UPP1: variants seen among roughly 807,000 people sequenced by gnomAD.
UPP1 encodes UPase 1.
Under a neutral mutation model 29.6 loss-of-function variants are expected in UPP1, and 25 were observed. The observed-to-expected ratio is 0.85, with a 90% CI of 0.62 to 1.18. UPP1 has a LOEUF of 1.18. Among genes scored for constraint, UPP1 ranks in the 50% most tolerant of loss-of-function variants. UPP1 has a pLI of 0.00. For missense variants in UPP1, 368 were observed against 410.4 expected (o/e 0.90, Z 0.89); for synonymous variants, 165 against 159.8 (o/e 1.03, Z -0.25).
intron 2 of UPP1, among the ~76,000 whole-genome samples, chr7:48,091,677 A>C (rs1325935127): frequency 1.3e-5 from 2 of 152,196 alleles, no homozygotes; most frequent in Non-Finnish European, 2.9e-5. Flanking sequence ...GGTGTGGTTA[A>C]ATAGACCCTC....
intron 3 of UPP1, 49 bp downstream of exon 3, chr7:48,094,876 T>G (rs758138011): frequency 6.3e-7 from 1 of 1,595,028 alleles, no homozygotes; most frequent in African/African-American, 1.3e-5. Flanking sequence ...TTGGGTTGTT[T>G]ATAGAGCATA....
At chr7:48,097,989 G>T (rs1792212782) in intron 3 of UPP1, among the ~76,000 whole-genome samples, 1 of 152,180 alleles carries the variant, frequency 6.6e-6, no homozygotes, top group African/African-American at 2.4e-5. Context: ...GTCAGGAAGA[G>T]GTGGGCTTAG....
Position 48,101,938 on chromosome 7 carries a change from G to A in UPP1, c.277G>A (p.Asp93Asn), listed in dbSNP as rs1450759512. The A allele has an allele frequency of 6.2e-7, 1 of 1,613,882 alleles. No homozygotes were observed. ...RDYPNICAGT[D>N]RYAMYKVGPV... ...CTATCCCAACATCTGTGCGGGAACTGACCGCTATGCCATGTATAAAGTAGG... is the reference window on the plus strand; with the variant it reads ...CTATCCCAACATCTGTGCGGGAACTAACCGCTATGCCATGTATAAAGTAGG... Residue 93 changes from aspartate to asparagine, a missense_variant, in exon 5 of 9, where the codon GAC (aspartate) becomes AAC (asparagine). Asp to Asn is a conservative substitution (Grantham distance 23). Transcript: ENST00000395564.
Position 48,094,746 on chromosome 7 carries a change from T to C in UPP1, c.-21-17T>C. 6.2e-7 allele frequency: 1 copy of C among 1,613,300 alleles called. No individual in the cohort carries two copies. The highest frequency in any genetic ancestry group is 8.5e-7 in the Non-Finnish European group (1 of 1,179,550). On this transcript the variant is annotated splice_polypyrimidine_tract_variant and intron_variant, in intron 2 of 8. Transcript: ENST00000395564. ...TACTGAGTGGATTCACTCCATTCTG[T>C]GATTTTTTTTCCTTAGGGTCCTGCC...
intron 2 of UPP1, among the ~76,000 whole-genome samples, chr7:48,092,362 C>A (rs1791884586): frequency 6.6e-6 from 1 of 152,118 alleles, no homozygotes. Flanking sequence ...ATGACCAGAC[C>A]CCTACGCCCC....
Position 48,103,360 on chromosome 7 carries a change from G to C in UPP1, c.385G>C (p.Ala129Pro). The C allele has an allele frequency of 6.2e-7, 1 of 1,614,014 alleles. No individual in the cohort carries two copies. The highest frequency in any genetic ancestry group is 8.5e-7 in the Non-Finnish European group (1 of 1,179,916). ...TGAGCTCATAAAGCTGCTGTACTAT[G>C]CCCGGTGCTCCAACGTCACTATCAT... ...LHELIKLLYY[A>P]RCSNVTIIRI... The change falls in exon 6 of 9, where the codon GCC (alanine) becomes CCC (proline). Residue 129 changes from alanine (A) to proline (P), a missense_variant. Physicochemically the swap from Ala to Pro is conservative, Grantham distance 27. Transcript: ENST00000395564.
intron 4 of UPP1, 91 bp downstream of exon 4, chr7:48,099,878 A>G: frequency 2.4e-6 from 2 of 844,718 alleles, no homozygotes; most frequent in East Asian, 2.5e-5. Context: ...AATGCTTGAG[A>G]GACCACAGCT....
At chr7:48,090,731 T>G (rs1352676912) in intron 2 of UPP1, among the ~76,000 whole-genome samples, 1 of 152,254 alleles carries the variant, frequency 6.6e-6, no homozygotes, top group East Asian at 1.9e-4. Flanking sequence ...TTTGCCCATC[T>G]GCATTTTGGC....
intron 6 of UPP1, among the ~76,000 whole-genome samples, chr7:48,104,202 G>A (rs1349591567): frequency 6.6e-6 from 1 of 152,084 alleles, no homozygotes; most frequent in Non-Finnish European, 1.5e-5. Context: ...TGGCAACAGA[G>A]CGAGACTCCA....
chr7:48,094,619 A>G (rs936928435), intron 2 of UPP1, 144 bp from the exon 3 acceptor site: 43 of 684,206 alleles, frequency 6.3e-5, no homozygotes, highest in African/African-American at 1.8e-4. Flanking sequence ...CTCTGTTTCT[A>G]TTTCTCACAC....
At chr7:48,092,704 CTT>C (rs1207379327) in intron 2 of UPP1, among the ~76,000 whole-genome samples, 31 of 135,964 alleles carry the variant, frequency 2.3e-4, no homozygotes, top group Admixed American at 2.2e-4. Context: ...CTGTTTGTTT[CTT>C]TTTTTTTTTT....
At chr7:48,094,957 G>A (rs1792048152) in intron 3 of UPP1, 130 bp downstream of exon 3, 7 of 1,136,506 alleles carry the variant, frequency 6.2e-6, no homozygotes, top group Admixed American at 2.2e-5. Flanking sequence ...AGAGACTGAG[G>A]CCTGGAGGGA....
rs143945959 is a variant in UPP1 at position 48,094,708 on chromosome 7, C to T, written c.-21-55C>T. On this transcript the variant is annotated intron_variant, in intron 2 of 8. Coordinates refer to ENST00000395564, the MANE Select transcript of UPP1 (RefSeq NM_003364.4). ...TTCTACATATTAGTGGGGCTCTGCA[C>T]GATCTTGGTTTCTACTGAGTGGATT... The T allele has an allele frequency of 4.3e-5, 67 of 1,542,592 alleles. No homozygotes were observed. In the African/African-American group the frequency reaches 5.8e-4, roughly 13 times the overall value.
chr7:48,102,715 A>G (rs1052770460), intron 5 of UPP1, among the ~76,000 whole-genome samples: 4 of 152,150 alleles, frequency 2.6e-5, no homozygotes, highest in African/African-American at 9.7e-5. Flanking sequence ...GAAAGTGCTG[A>G]GTTCATCCGG....
intron 2 of UPP1, among the ~76,000 whole-genome samples, chr7:48,094,421 G>A (rs1274073360): frequency 6.6e-6 from 1 of 152,042 alleles, no homozygotes; most frequent in Non-Finnish European, 1.5e-5. Context: ...TCACTGTATT[G>A]GACAGGCTTG....
chr7:48,090,604 G>A (rs749605889), intron 2 of UPP1, among the ~76,000 whole-genome samples: 2 of 152,094 alleles, frequency 1.3e-5, no homozygotes, highest in Non-Finnish European at 2.9e-5. Flanking sequence ...TGTAACCGCG[G>A]GTCTTTAAAA....
intron 4 of UPP1, 52 bp downstream of exon 4, chr7:48,099,839 C>T (rs762607470): frequency 1.6e-6 from 2 of 1,223,686 alleles, no homozygotes; most frequent in South Asian, 2.4e-5. Flanking sequence ...TCAACCTCCC[C>T]CTATATTATA....
intron 6 of UPP1, chr7:48,105,867 A>G (rs1792703736): frequency 6.6e-6 from 1 of 152,212 alleles, no homozygotes; most frequent in African/African-American, 2.4e-5. Context: ...ATTTCAGCCT[A>G]TGAATTTTGA....
chr7:48,099,682 C>A lies in UPP1; in HGVS notation c.57C>A (p.Val19=). 6.2e-7 allele frequency: 1 copy of A among 1,611,754 alleles called. No homozygotes were observed. Among genetic ancestry groups the A allele is most frequent in the South Asian group, 1.1e-5 (1 of 91,006 alleles). ...EKAESHNDCP[V]RLLNPNIAKM... is the part of the protein sequence containing the mutation. ...TGTTTTTTAACAGTGATTGCCCCGT[C>A]AGACTTTTAAATCCAAACATAGCAA... The change falls in exon 4 of 9, where the codon GTC becomes GTA. Residue 19 remains valine (V), a synonymous_variant. Coordinates refer to ENST00000395564, the MANE Select transcript of UPP1 (RefSeq NM_003364.4).
Sources: allele counts gnomAD v4.1 joint callset (sites outside exome capture counted in the v4.1 genomes callset), GRCh38; gene constraint gnomAD v4.1.1; transcripts MANE v1.5; gene names NCBI Gene and HGNC (gene_info 2026-07-23, HGNC 2026-07-21).